The following SLC49A4 variants were observed in gnomAD, a reference collection of about 807,000 sequenced individuals.
SLC49A4 encodes the protein solute carrier family 49 member 4.
SLC49A4 carries 36 observed loss-of-function variants against 50.6 expected under a neutral mutation model. The observed-to-expected ratio is 0.71, with a 90% CI of 0.55 to 0.94. SLC49A4 has a LOEUF of 0.94. Among genes scored for constraint, SLC49A4 ranks in the 40% least tolerant of loss-of-function variants. The pLI is 0.00. For synonymous variants in SLC49A4, 248 were observed against 241.2 expected, an observed-to-expected ratio of 1.03 and a Z score of -0.26; for missense variants, 503 against 605.7, an observed-to-expected ratio of 0.83 and a Z score of 1.78.
In SLC49A4 at chr3:122,795,465, G is replaced by A; in HGVS notation, c.273G>A (p.Ala91=). The change falls in exon 1 of 9, where the codon GCG becomes GCA. Residue 91 remains alanine (A), a synonymous_variant. Transcript: ENST00000261038. ...ACGGCTTCTCCAGCTGGGACATCGC[G>A]CTGCTCGTGCTGTGGGGGCCCATCG... ...QAYGFSSWDI[A]LLVLWGPIGF... 6.2e-7 allele frequency: 1 copy of A among 1,606,386 alleles called. No individual in the cohort carries two copies.
At position 122,881,127 on chromosome 3, in the gene SLC49A4, G is replaced by T. The variant is rs1321755956; in HGVS notation, c.*1749G>T. On this transcript the variant is annotated 3_prime_UTR_variant, in exon 9 of 9. Transcript: ENST00000261038. ...TCTGTTATTCTTCTGAAATAAAAAT[G>T]AAATAAAAGGAAGGCAGAATTCTCT... is the stretch of plus-strand genomic sequence containing the variant. 1.3e-5 allele frequency: 2 copies of T among 150,728 alleles called. No homozygotes were observed. The highest frequency in any genetic ancestry group is 6.6e-5 in the Admixed American group (1 of 15,118). 9.3% of individuals were successfully genotyped at this position (150,728 alleles called of 1,614,324 possible).
chr3:122,846,450 T>C (rs1438064312), intron 5 of SLC49A4, among the ~76,000 whole-genome samples: 2 of 152,190 alleles, frequency 1.3e-5, no homozygotes, highest in Admixed American at 1.3e-4. Flanking sequence ...TTGGTGAACA[T>C]TTGGATTGGA....
intron 5 of SLC49A4, among the ~76,000 whole-genome samples, chr3:122,846,845 G>A (rs1936860132): frequency 1.3e-5 from 2 of 152,152 alleles, no homozygotes; most frequent in Admixed American, 1.3e-4. Context: ...CTATTGGGCT[G>A]CCTTTTTCTT....
At chr3:122,859,875 C>T (rs550442280) in intron 6 of SLC49A4, among the ~76,000 whole-genome samples, 200 bp from the exon 7 acceptor site, 4 of 151,966 alleles carry the variant, frequency 2.6e-5, no homozygotes, top group Admixed American at 6.5e-5. Context: ...ACAAAGATGC[C>T]GTTTTTTGTG....
chr3:122,807,218 A>G (rs1936231969), intron 2 of SLC49A4, among the ~76,000 whole-genome samples: 1 of 77,242 alleles, frequency 1.3e-5, no homozygotes, highest in East Asian at 2.4e-4. Context: ...ATAATAATAT[A>G]ACATATTATA....
chr3:122,850,523 T>TG (rs982199674), intron 5 of SLC49A4, among the ~76,000 whole-genome samples: 4 of 151,906 alleles, frequency 2.6e-5, no homozygotes, highest in Admixed American at 2.6e-4. Flanking sequence ...TTTTTTTTTT[T>TG]TTGAGACAGC....
At chr3:122,818,244 T>C (rs1936404722) in intron 2 of SLC49A4, among the ~76,000 whole-genome samples, 1 of 152,080 alleles carries the variant, frequency 6.6e-6, no homozygotes, top group African/African-American at 2.4e-5. Context: ...AATGAGAAAA[T>C]GCTTGATAGA....
intron 7 of SLC49A4, among the ~76,000 whole-genome samples, chr3:122,863,670 C>A (rs1937082622): frequency 6.6e-6 from 1 of 152,142 alleles, no homozygotes; most frequent in Admixed American, 6.6e-5. Flanking sequence ...ATGGTAAATT[C>A]ATGTTTCTTT....
rs72968361 is a variant in SLC49A4 at position 122,876,859 on chromosome 3, G to A, written c.1322-2404G>A. Among the ~76,000 whole-genome samples the A allele has an allele frequency of 8.7e-3, 1,323 of 152,282 alleles. 15 individuals carry two copies. Among genetic ancestry groups the A allele is most frequent in the African/African-American group, 0.03 (1,230 of 41,552 alleles). The stretch of plus-strand genomic sequence containing the variant: ...AGCCCACTTCACTGAGTAAAGTCGA[G>A]CACCTGTCTAAACTATAAGTTGGCA... On this transcript the variant is annotated intron_variant, in intron 8 of 8. Coordinates refer to ENST00000261038, the MANE Select transcript of SLC49A4 (RefSeq NM_032839.3).
chr3:122,806,931 G>T lies in SLC49A4; in HGVS notation c.418G>T (p.Asp140Tyr). The part of the protein sequence containing the change: ...GTGLRCIPIS[D>Y]LILKRRLIHG... ...TGGTCTAAGATGCATACCTATATCA[G>T]ACTTAATCCTTAAAAGAAGGTAAAT... The change falls in exon 2 of 9, where the codon GAC becomes TAC. Residue 140 changes from aspartate to tyrosine, a missense_variant. Asp to Tyr is a radical substitution (Grantham distance 160, BLOSUM62 -3). Coordinates refer to ENST00000261038, the MANE Select transcript of SLC49A4 (RefSeq NM_032839.3). The T allele has an allele frequency of 6.3e-7, 1 of 1,593,976 alleles. No homozygotes were observed. Among genetic ancestry groups the T allele is most frequent in the South Asian group, 1.1e-5 (1 of 89,758 alleles).
intron 1 of SLC49A4, among the ~76,000 whole-genome samples, chr3:122,800,820 C>G (rs1421131332): frequency 5.9e-5 from 9 of 152,112 alleles, no homozygotes; most frequent in Non-Finnish European, 1.2e-4. Context: ...ACAAAATGAT[C>G]CCCTGATGAG....
chr3:122,804,369 T>G (rs1193439322), intron 1 of SLC49A4, among the ~76,000 whole-genome samples: 2 of 152,186 alleles, frequency 1.3e-5, no homozygotes, highest in African/African-American at 2.4e-5. Context: ...AGGCCCCACC[T>G]CCAACATTGA....
chr3:122,814,758 T>C (rs1936341509), intron 2 of SLC49A4, among the ~76,000 whole-genome samples: 1 of 152,192 alleles, frequency 6.6e-6, no homozygotes, highest in African/African-American at 2.4e-5. Context: ...AAACATTTTT[T>C]TGTGTGACAT....
chr3:122,839,609 A>G (rs953617825), intron 4 of SLC49A4, among the ~76,000 whole-genome samples: 1 of 152,190 alleles, frequency 6.6e-6, no homozygotes, highest in Non-Finnish European at 1.5e-5. Context: ...AGAAGAAGAC[A>G]TACAAACACT....
At chr3:122,829,335 T>C (rs1318840) in intron 3 of SLC49A4, among the ~76,000 whole-genome samples, 2 of 152,144 alleles carry the variant, frequency 1.3e-5, no homozygotes, top group East Asian at 3.9e-4. Flanking sequence ...GGAAAAAACA[T>C]GATCATCTTA....
At chr3:122,824,566 CTT>C (rs1330130634) in intron 2 of SLC49A4, among the ~76,000 whole-genome samples, 2 of 151,890 alleles carry the variant, frequency 1.3e-5, no homozygotes, top group Non-Finnish European at 2.9e-5. Flanking sequence ...CTTCTCTTCT[CTT>C]CTTTCTTTCT....
At chr3:122,849,380 T>C (rs1936895948) in intron 5 of SLC49A4, among the ~76,000 whole-genome samples, 1 of 152,210 alleles carries the variant, frequency 6.6e-6, no homozygotes, top group Non-Finnish European at 1.5e-5. Context: ...AGTTCTATTT[T>C]TCGTTTTCTA....
rs1361063258 is a variant in SLC49A4, at chr3:122,826,853, A to G, written c.491A>G (p.Asn164Ser). The change falls in exon 3 of 9, where the codon AAT becomes AGT. Residue 164 changes from asparagine (N) to serine (S), a missense_variant. Physicochemically the swap from Asn to Ser is conservative, Grantham distance 46. Transcript: ENST00000261038. Reference protein sequence around the residue: ...LNGLAGPTVMNAAPFLSTTWF... With the variant: ...LNGLAGPTVMSAAPFLSTTWF... ...GGATTGGCAGGTCCAACTGTAATGA[A>G]TGCAGCACCATTTCTCTCTACGACG... The G allele has an allele frequency of 1.2e-6, 2 of 1,614,056 alleles. No individual in the cohort carries two copies. The highest frequency in any genetic ancestry group is 2.2e-5 in the East Asian group (1 of 44,904).
Position 122,803,409 on chromosome 3 carries a change from A to T in SLC49A4, c.344-3448A>T, listed in dbSNP as rs553812157. Reference sequence around the variant, plus strand: ...GGAGTTGAGGAGGTAGGAAGAAGAGATGAGGTCTCATTAGGGGATGTATAA... The same window carrying T: ...GGAGTTGAGGAGGTAGGAAGAAGAGTTGAGGTCTCATTAGGGGATGTATAA... On this transcript the variant is annotated intron_variant, in intron 1 of 8. Coordinates refer to ENST00000261038, the MANE Select transcript of SLC49A4 (RefSeq NM_032839.3). Among the ~76,000 whole-genome samples, 8 of 152,294 alleles carry T rather than the reference A, an allele frequency of 5.3e-5. No homozygotes were observed. In the East Asian group the frequency reaches 1.5e-3, roughly 29 times the overall value.
Sources: gnomAD v4.1 joint callset for allele counts (sites outside exome capture counted in the v4.1 genomes callset) on GRCh38, gnomAD v4.1.1 for gene constraint, MANE v1.5 for transcripts, NCBI Gene and HGNC (gene_info 2026-07-23, HGNC 2026-07-21) for gene names.